The following TEX9 variants were observed in gnomAD, a reference collection of about 807,000 sequenced individuals.
The protein encoded by TEX9 is testis-expressed protein 9.
A neutral mutation model predicts 59.6 loss-of-function variants in TEX9; 74 were observed. That is an observed-to-expected ratio of 1.24 (90% CI 1.03 to 1.51). The LOEUF (loss-of-function observed/expected upper bound fraction) is 1.51. TEX9 is among the 40% of genes most tolerant of loss of function. The pLI is 0.00. For missense variants in TEX9, 522 were observed against 447.8 expected (o/e 1.17, Z -1.49); for synonymous variants, 186 against 152.2 (o/e 1.22, Z -1.64).
chr15:56,443,969 C>G (rs1277760848), intron 12 of TEX9: 24 of 820,246 alleles, frequency 2.9e-5, no homozygotes, highest in Non-Finnish European at 4.0e-5. Context: ...TTCGTGCATG[C>G]AACAAACATT....
chr15:56,324,820 G>A (rs2045987575), intron 1 of TEX9, among the ~76,000 whole-genome samples: 1 of 152,166 alleles, frequency 6.6e-6, no homozygotes, highest in Non-Finnish European at 1.5e-5. Flanking sequence ...CATTTAAAAG[G>A]TCAGAAAAGT....
chr15:56,379,160 G>A (rs551555757), intron 3 of TEX9, among the ~76,000 whole-genome samples: 1 of 151,636 alleles, frequency 6.6e-6, no homozygotes, highest in South Asian at 2.1e-4. Context: ...TGAAGTTTTT[G>A]TTCTTTTTTG....
chr15:56,453,727 T>G, the TEX9 span, among the ~76,000 whole-genome samples: 3 of 152,148 alleles, frequency 2.0e-5, no homozygotes, highest in African/African-American at 7.2e-5. Flanking sequence ...CAACTCCAGT[T>G]AAAAACAGCA....
intron 10 of TEX9, among the ~76,000 whole-genome samples, chr15:56,421,366 A>T (rs1022029164): frequency 4.6e-5 from 7 of 151,890 alleles, no homozygotes; most frequent in Admixed American, 2.0e-4. Context: ...GCTTGGGACC[A>T]GAAGTGTTTT....
exon 11 of TEX9, chr15:56,427,657 A>G: frequency 6.4e-7 from 1 of 1,552,460 alleles, no homozygotes. Context: ...TCAGAAAACA[A>G]GAAGCTAGAA....
intron 12 of TEX9, among the ~76,000 whole-genome samples, chr15:56,442,222 A>G (rs1420127773): frequency 1.3e-5 from 2 of 152,100 alleles, no homozygotes; most frequent in Non-Finnish European, 2.9e-5. Flanking sequence ...TTAAAGTCAC[A>G]AAAGAATGGA....
intron 7 of TEX9, among the ~76,000 whole-genome samples, chr15:56,392,718 T>C (rs1307884086): frequency 1.3e-5 from 2 of 152,202 alleles, no homozygotes; most frequent in Non-Finnish European, 2.9e-5. Flanking sequence ...AATCAAGCTT[T>C]CTAGGGCTAG....
At chr15:56,373,326 C>G in intron 2 of TEX9, 115 bp from the exon 3 acceptor site, 2 of 857,448 alleles carry the variant, frequency 2.3e-6, no homozygotes, top group South Asian at 3.5e-5. Flanking sequence ...GTAAGAATGC[C>G]ATATGTATAT....
chr15:56,339,433 C>G (rs1327967576), intron 1 of TEX9, among the ~76,000 whole-genome samples: 1 of 134,510 alleles, frequency 7.4e-6, no homozygotes, highest in African/African-American at 3.0e-5. Context: ...TAACTTAGCC[C>G]CTGGGCAAAA....
intron 1 of TEX9, among the ~76,000 whole-genome samples, chr15:56,265,066 G>A (rs1285711501): frequency 6.6e-6 from 1 of 151,418 alleles, no homozygotes; most frequent in African/African-American, 2.4e-5. Context: ...TCAGTTTTTT[G>A]TGTACTAGCT....
In TEX9 at chr15:56,371,873, A is replaced by G. The variant is rs1247771869; in HGVS notation, c.120-1568A>G. 2.0e-5 allele frequency among the ~76,000 whole-genome samples: 3 copies of G among 152,104 alleles called. No individual in the cohort carries two copies. In the East Asian group the frequency reaches 5.8e-4, roughly 29 times the overall value. On this transcript the variant is annotated intron_variant, in intron 2 of 12. Coordinates refer to ENST00000352903, the Ensembl canonical transcript of TEX9. The stretch of plus-strand genomic sequence containing the variant: ...GTTCTAGTTTCATTTCTGCTCACCT[A>G]AGGTTGTGGGTAGAATTTTTGTAGT...
chr15:56,299,526 C>A (rs1175941405), intron 1 of TEX9, among the ~76,000 whole-genome samples: 1 of 152,170 alleles, frequency 6.6e-6, no homozygotes, highest in Non-Finnish European at 1.5e-5. Context: ...ACTTGGGGTA[C>A]ACATGACCTA....
At chr15:56,406,548 A>C (rs1364872707) in intron 9 of TEX9, among the ~76,000 whole-genome samples, 2 of 152,142 alleles carry the variant, frequency 1.3e-5, no homozygotes, top group Non-Finnish European at 2.9e-5. Flanking sequence ...TGATTGTACC[A>C]TTTTACATTC....
At chr15:56,409,366 C>T (rs1377257999) in intron 9 of TEX9, among the ~76,000 whole-genome samples, 1 of 152,200 alleles carries the variant, frequency 6.6e-6, no homozygotes, top group Non-Finnish European at 1.5e-5. Context: ...AAACCTAACA[C>T]TGTGCCTATG....
rs549465820 is a variant in TEX9, at chr15:56,251,214, T to C, written c.-107+6936T>C. On this transcript the variant is annotated intron_variant, in intron 1 of 5. Coordinates refer to the TEX9 transcript ENST00000560827. ...CTCCTGAAGTTATGCCAGTGTTATA[T>C]TGTGGCTGATGTTAGTATGTTTTTG... Among the ~76,000 whole-genome samples the C allele has an allele frequency of 5.9e-5, 9 of 152,340 alleles. No individual in the cohort carries two copies. The East Asian group carries it at 1.3e-3, about 23-fold the overall frequency.
chr15:56,315,757 GT>G (rs1596083256), intron 1 of TEX9, among the ~76,000 whole-genome samples: 1 of 146,512 alleles, frequency 6.8e-6, no homozygotes, highest in East Asian at 2.0e-4. Context: ...TTCCAACTTG[GT>G]TCCATTCTCC....
intron 9 of TEX9, chr15:56,396,533 A>G (rs1430706311): frequency 1.3e-5 from 2 of 151,450 alleles, no homozygotes; most frequent in Non-Finnish European, 1.5e-5. Context: ...AATGTCACAT[A>G]AATAGAATCG....
chr15:56,444,680 T>G lies in TEX9; in HGVS notation c.*30-991T>G, dbSNP rs189338493. ...CTATTTCAGCATCACGTTTCTGTTA[T>G]TAAAACAAAATTGATCTTTCCGTTT... On this transcript the variant is annotated intron_variant, in intron 12 of 12. Coordinates refer to ENST00000352903, the Ensembl canonical transcript of TEX9. The G allele has an allele frequency of 3.2e-3, 5,157 of 1,605,218 alleles. 34 individuals carry two copies. Among genetic ancestry groups the G allele is most frequent in the South Asian group, 6.1e-3 (548 of 89,986 alleles).
chr15:56,298,842 T>C (rs1223949030), intron 1 of TEX9, among the ~76,000 whole-genome samples: 12 of 152,224 alleles, frequency 7.9e-5, no homozygotes, highest in Non-Finnish European at 1.8e-4. Context: ...CAATAAACAA[T>C]CAATTCTCAA....
Sources: allele counts gnomAD v4.1 joint callset (sites outside exome capture counted in the v4.1 genomes callset), GRCh38; gene constraint gnomAD v4.1.1; transcripts MANE v1.5; gene names NCBI Gene and HGNC (gene_info 2026-07-23, HGNC 2026-07-21).